LMAN2: variants seen among roughly 807,000 people sequenced by gnomAD.
The protein encoded by LMAN2 is lectin, mannose binding 2, also known as vesicular integral-membrane protein VIP36.
LMAN2 carries 22 observed loss-of-function variants against 39.3 expected under a neutral mutation model. The ratio of observed to expected loss-of-function variants is 0.56; its 90% CI spans 0.40 to 0.80. LMAN2 has a LOEUF of 0.80. LMAN2 is among the 30% of genes least tolerant of loss of function. The probability of loss-of-function intolerance (pLI) is 0.00; values close to 1 mark genes in which losing one functional copy is unlikely to be tolerated. For missense variants in LMAN2, 494 were observed against 505.4 expected, an observed-to-expected ratio of 0.98 and a Z score of 0.22; for synonymous variants, 207 against 207.8, an observed-to-expected ratio of 1.00 and a Z score of 0.03.
intron 2 of LMAN2, among the ~76,000 whole-genome samples, chr5:177,344,888 AGAGT>A (rs1218130663): frequency 6.6e-6 from 1 of 151,936 alleles, no homozygotes; most frequent in Non-Finnish European, 1.5e-5. Flanking sequence ...CCTGGGCAAC[AGAGT>A]GAGACCCTGT....
Position 177,351,252 on chromosome 5 carries a change from C to T in LMAN2, c.236G>A (p.Gly79Asp), listed in dbSNP as rs767789325. 5 of 1,614,036 alleles carry T rather than the reference C, an allele frequency of 3.1e-6. No homozygotes were observed. The African/African-American group carries it at 6.7e-5, about 22-fold the overall frequency. The change falls in exon 2 of 8, where the codon GGC becomes GAC. Residue 79 changes from glycine to aspartate, a missense_variant. Transcript: ENST00000303127. ...SSSMPLWDFQ[G>D]STMLTSQYVR... ...GTACTGGCTCGTGAGCATAGTGCTG[C>T]CCTGGAAGTCCCAGAGGGGCATAGA... is the stretch of plus-strand genomic sequence containing the variant.
intron 2 of LMAN2, among the ~76,000 whole-genome samples, chr5:177,345,004 C>T (rs982020343): frequency 3.3e-5 from 5 of 151,812 alleles, no homozygotes; most frequent in African/African-American, 1.2e-4. Context: ...TGTGTACGTA[C>T]AACAGTGGAA....
At chr5:177,349,747 T>A (rs1164377769) in intron 2 of LMAN2, among the ~76,000 whole-genome samples, 2 of 152,228 alleles carry the variant, frequency 1.3e-5, no homozygotes, top group South Asian at 4.1e-4. Context: ...ATGAAAAATA[T>A]AAGGCTGAAT....
In LMAN2 at chr5:177,332,075, G is replaced by A. The variant is rs755798382; in HGVS notation, c.*11C>T. On this transcript the variant is annotated 3_prime_UTR_variant, in exon 8 of 8. Transcript: ENST00000303127. This position sits in a 1 kb window ranked among gnomAD's most constrained non-coding sequence, Gnocchi z 6.3. Reference sequence around the variant, plus strand: ...CCTGGGCCCAGGGACAGGCCCCGCCGGAGGCGCCACTCAGTAGAAGCGCTT... The same window carrying A: ...CCTGGGCCCAGGGACAGGCCCCGCCAGAGGCGCCACTCAGTAGAAGCGCTT... The A allele has an allele frequency of 1.3e-5, 20 of 1,593,234 alleles. No homozygotes were observed. In the Middle Eastern group the frequency reaches 6.7e-4, roughly 53 times the overall value.
chr5:177,350,878 G>C (rs1202372846), intron 2 of LMAN2, among the ~76,000 whole-genome samples: 1 of 152,162 alleles, frequency 6.6e-6, no homozygotes, highest in Non-Finnish European at 1.5e-5. Context: ...ATGTAACTTT[G>C]GGTAAGGCCC....
rs1554092034 is a variant in LMAN2, at chr5:177,345,736, C to CATGCATTT, written c.315+5436_315+5437insAAATGCAT. ...GAAGGCTCGCAGCAGCCATGGCATG[C>CATGCATTT]ATTTATTTATTTATTTATTTATTTA... On this transcript the variant is annotated intron_variant, in intron 2 of 7. Transcript: ENST00000303127. Among the ~76,000 whole-genome samples, 129 of 135,550 alleles carry CATGCATTT rather than the reference C, an allele frequency of 9.5e-4. 1 individual carries two copies. The highest frequency in any genetic ancestry group is 2.2e-3 in the African/African-American group (80 of 36,488). 88.9% of individuals were successfully genotyped at this position (135,550 alleles called of 152,430 possible). A position where few individuals can be genotyped will look rare whatever the true frequency, so the allele number is the denominator to read the frequency against.
chr5:177,342,609 T>C (rs983919320), intron 2 of LMAN2, among the ~76,000 whole-genome samples: 1 of 151,846 alleles, frequency 6.6e-6, no homozygotes, highest in Non-Finnish European at 1.5e-5. Flanking sequence ...TCACTTGAGC[T>C]GGAGAGGTCA....
chr5:177,348,687 C>CAAAA, intron 2 of LMAN2, among the ~76,000 whole-genome samples: 1 of 33,856 alleles, frequency 3.0e-5, no homozygotes. Context: ...GACTCTGTCT[C>CAAAA]AAAAAAAAAA....
In LMAN2 at chr5:177,331,885, C is replaced by CT; in HGVS notation, c.*200dup. ...GCCCCAGGAGAGCCTCCGTCTCCAGCTGTGGGGGGTGCCAGACCCTAAGCC... is the reference window on the plus strand; with the variant it reads ...GCCCCAGGAGAGCCTCCGTCTCCAGCTTGTGGGGGGTGCCAGACCCTAAGCC... On this transcript the variant is annotated 3_prime_UTR_variant, in exon 8 of 8. Transcript: ENST00000303127. The CT allele has an allele frequency of 1.7e-6, 1 of 575,162 alleles. No homozygotes were observed. Among genetic ancestry groups the CT allele is most frequent in the Non-Finnish European group, 3.0e-6 (1 of 337,006 alleles). 35.6% of individuals were successfully genotyped at this position (575,162 alleles called of 1,614,324 possible).
In LMAN2 at chr5:177,337,251, C is replaced by T. The variant is rs1330892393; in HGVS notation, c.676-1G>A. On this transcript the variant is annotated splice_acceptor_variant, in intron 5 of 7. Coordinates refer to ENST00000303127, the MANE Select transcript of LMAN2 (RefSeq NM_006816.3). LOFTEE classifies it high-confidence loss of function. This position sits in a 1 kb window ranked among gnomAD's most constrained non-coding sequence, Gnocchi z 8.2. ...TCTTGTCCTCCAGGTCGGTCATCAC[C>T]TGCAGGGCCCAGCACGCTAAGCACC... 1 of 1,613,972 alleles carries T rather than the reference C, an allele frequency of 6.2e-7. No individual in the cohort carries two copies. Among genetic ancestry groups the T allele is most frequent in the East Asian group, 2.2e-5 (1 of 44,886 alleles).
chr5:177,350,783 C>A (rs1337974583), intron 2 of LMAN2, among the ~76,000 whole-genome samples: 1 of 152,134 alleles, frequency 6.6e-6, no homozygotes, highest in Non-Finnish European at 1.5e-5. Context: ...AGCAAAACAC[C>A]CAATAAAGAT....
intron 2 of LMAN2, among the ~76,000 whole-genome samples, chr5:177,340,746 G>A (rs1272980537): frequency 6.6e-6 from 1 of 151,052 alleles, no homozygotes; most frequent in Non-Finnish European, 1.5e-5. Context: ...TTCCAGCCTG[G>A]GCAACAGAGT....
At chr5:177,340,367 C>T (rs1761533449) in intron 2 of LMAN2, among the ~76,000 whole-genome samples, 1 of 152,152 alleles carries the variant, frequency 6.6e-6, no homozygotes, top group South Asian at 2.1e-4. Flanking sequence ...ACAGGGGCTA[C>T]ATGTGCAGGT....
intron 2 of LMAN2, among the ~76,000 whole-genome samples, chr5:177,345,735 G>GCATGCATT (rs1554092031): frequency 1.8e-5 from 2 of 110,360 alleles, no homozygotes; most frequent in Non-Finnish European, 4.1e-5. Context: ...GCCATGGCAT[G>GCATGCATT]CATTTATTTA....
Position 177,337,120 on chromosome 5 carries a change from G to C in LMAN2, c.790+16C>G. On this transcript the variant is annotated intron_variant, in intron 6 of 7. Coordinates refer to ENST00000303127, the MANE Select transcript of LMAN2 (RefSeq NM_006816.3). This position sits in a 1 kb window ranked among gnomAD's most constrained non-coding sequence, Gnocchi z 8.2. ...TGAGCTGGGCTGGGAACCAACGCCT[G>C]GCCCGGCCCACTCACCAGACAGGTC... The C allele has an allele frequency of 6.3e-7, 1 of 1,595,556 alleles. No individual in the cohort carries two copies.
intron 2 of LMAN2, among the ~76,000 whole-genome samples, chr5:177,340,678 G>GC (rs1761537003): frequency 6.6e-6 from 1 of 152,048 alleles, no homozygotes; most frequent in Non-Finnish European, 1.5e-5. Context: ...GCTGAGGCGG[G>GC]AGAACTGCTT....
chr5:177,343,780 A>T (rs1404709431), intron 2 of LMAN2, among the ~76,000 whole-genome samples: 1 of 152,202 alleles, frequency 6.6e-6, no homozygotes, highest in East Asian at 1.9e-4. Context: ...GTTACCAGGG[A>T]CTGTGGGGAT....
At chr5:177,347,565 C>A (rs1312230426) in intron 2 of LMAN2, among the ~76,000 whole-genome samples, 1 of 151,882 alleles carries the variant, frequency 6.6e-6, no homozygotes, top group Non-Finnish European at 1.5e-5. Flanking sequence ...AGTTCTTAAC[C>A]CACAGCAAAC....
intron 2 of LMAN2, among the ~76,000 whole-genome samples, chr5:177,344,176 C>T (rs561760238): frequency 6.6e-6 from 1 of 151,538 alleles, no homozygotes; most frequent in East Asian, 1.9e-4. Flanking sequence ...TAGGATTGCA[C>T]CACTGCACTC....
Sources: gnomAD v4.1 joint callset for allele counts (sites outside exome capture counted in the v4.1 genomes callset) on GRCh38, gnomAD v4.1.1 for gene constraint, Gnocchi (gnomAD v3.1) non-coding constraint, MANE v1.5 for transcripts, NCBI Gene and HGNC (gene_info 2026-07-23, HGNC 2026-07-21) for gene names.